The following FUCA2 variants were observed in gnomAD, a reference collection of about 807,000 sequenced individuals.
FUCA2 encodes the protein plasma alpha-L-fucosidase.
Under a neutral mutation model 52.6 loss-of-function variants are expected in FUCA2, and 41 were observed. The observed-to-expected ratio is 0.78, with a 90% confidence interval of 0.61 to 1.01. FUCA2 has a LOEUF of 1.01. Ranked by LOEUF, FUCA2 falls within the 50% of genes least tolerant of loss-of-function variation. FUCA2 has a pLI of 0.00. For missense variants in FUCA2, 507 were observed against 569.5 expected (o/e 0.89, Z 1.12); for synonymous variants, 211 against 217.3 (o/e 0.97, Z 0.26).
chr6:143,495,609 C>A lies in FUCA2; in HGVS notation c.*98G>T. 1 of 1,238,564 alleles carries A rather than the reference C, an allele frequency of 8.1e-7. No homozygotes were observed. Among genetic ancestry groups the A allele is most frequent in the Non-Finnish European group, 1.1e-6 (1 of 918,266 alleles). The allele number at this position is 1,238,564 out of a possible 1,614,324, so 76.7% of individuals were successfully genotyped here. A position where few individuals can be genotyped will look rare whatever the true frequency, so the allele number is the denominator to read the frequency against. ...TGAACTGCCAAAATAATTTTCTTATCCAGTTTTACATTTGCTTTCTCCATG... is the reference window on the plus strand; with the variant it reads ...TGAACTGCCAAAATAATTTTCTTATACAGTTTTACATTTGCTTTCTCCATG... On this transcript the variant is annotated 3_prime_UTR_variant, in exon 7 of 7. Coordinates refer to ENST00000002165, the MANE Select transcript of FUCA2 (RefSeq NM_032020.5). This position sits in a 1 kb window ranked among gnomAD's most constrained non-coding sequence, Gnocchi z 5.2.
At position 143,511,339 on chromosome 6, in the gene FUCA2, C is replaced by T; in HGVS notation, c.224+72G>A. ...GCAGCACCAGGCGGCGAACCAGGCC[C>T]GCTGGGTGGTGGCTGGAGGCTGCGG... On this transcript the variant is annotated intron_variant, in intron 1 of 6. Transcript: ENST00000002165. This position sits in a 1 kb window ranked among gnomAD's most constrained non-coding sequence, Gnocchi z 6.3. 1.4e-6 allele frequency: 2 copies of T among 1,423,376 alleles called. No individual in the cohort carries two copies. Among genetic ancestry groups the T allele is most frequent in the South Asian group, 1.4e-5 (1 of 72,586 alleles). 88.2% of individuals were successfully genotyped at this position (1,423,376 alleles called of 1,614,324 possible).
chr6:143,510,754 G>C lies in FUCA2; in HGVS notation c.224+657C>G, dbSNP rs1348160746. ...TTAGTCAGAAAAGACATGTGCAACAGTTTAAGAAATTACATGCACATTTTC... is the reference window on the plus strand; with the variant it reads ...TTAGTCAGAAAAGACATGTGCAACACTTTAAGAAATTACATGCACATTTTC... On this transcript the variant is annotated intron_variant, in intron 1 of 6. Transcript: ENST00000002165. The surrounding 1 kb of genome is among the most constrained non-coding windows in gnomAD (Gnocchi z 4.4). Among the ~76,000 whole-genome samples the C allele has an allele frequency of 3.3e-5, 5 of 152,118 alleles. No individual in the cohort carries two copies. The highest frequency in any genetic ancestry group is 1.2e-4 in the African/African-American group (5 of 41,436).
In FUCA2 at chr6:143,501,998, T is replaced by C. The variant is rs776194740; in HGVS notation, c.1088A>G (p.Asn363Ser). Residue 363 changes from asparagine (N) to serine (S), a missense_variant, in exon 5 of 7, where the codon AAT (asparagine) becomes AGT (serine). Transcript: ENST00000002165. The surrounding 1 kb of genome is among the most constrained non-coding windows in gnomAD (Gnocchi z 6.1). ...LRQMGSWLKV[N>S]GEAIYETHTW... ...ATGGGTTTCATAAATAGCTTCTCCA[T>C]TGACTTTTAGCCAGGACCCCATTTG... is the stretch of plus-strand genomic sequence containing the variant. The C allele has an allele frequency of 1.8e-5, 29 of 1,613,964 alleles. No individual in the cohort carries two copies. Among genetic ancestry groups the C allele is most frequent in the Admixed American group, 3.3e-5 (2 of 59,976 alleles).
intron 5 of FUCA2, among the ~76,000 whole-genome samples, chr6:143,498,902 G>A (rs1296744732): frequency 6.6e-6 from 1 of 152,184 alleles, no homozygotes; most frequent in African/African-American, 2.4e-5. Context: ...AGGATAAGAA[G>A]TGGACAGATT....
At position 143,504,763 on chromosome 6, in the gene FUCA2, A is replaced by G. The variant is rs1780577834; in HGVS notation, c.413-511T>C. ...TTGAAGTCTACTGCTTAGTTTTAGG[A>G]TTGTTTATTTTATTATAGTGTGATT... is the stretch of plus-strand genomic sequence containing the variant. On this transcript the variant is annotated intron_variant, in intron 2 of 6. Coordinates refer to ENST00000002165, the MANE Select transcript of FUCA2 (RefSeq NM_032020.5). The surrounding 1 kb of genome is among the most constrained non-coding windows in gnomAD (Gnocchi z 4.4). The G allele has an allele frequency of 1.3e-5, 2 of 152,990 alleles. No individual in the cohort carries two copies. The highest frequency in any genetic ancestry group is 1.3e-4 in the Admixed American group (2 of 15,396). The allele number at this position is 152,990 out of a possible 1,614,324, so 9.5% of individuals were successfully genotyped here. A position where few individuals can be genotyped will look rare whatever the true frequency, so the allele number is the denominator to read the frequency against.
chr6:143,501,271 A>C lies in FUCA2; in HGVS notation c.1154+661T>G, dbSNP rs900339867. On this transcript the variant is annotated intron_variant, in intron 5 of 6. Coordinates refer to ENST00000002165, the MANE Select transcript of FUCA2 (RefSeq NM_032020.5). This position sits in a 1 kb window ranked among gnomAD's most constrained non-coding sequence, Gnocchi z 6.1. ...TTTAAGTCATAAGTCAAGTAGATTG[A>C]AGAACAATTAGTCTAATCTTTCGGT... Among the ~76,000 whole-genome samples, 9 of 152,244 alleles carry C rather than the reference A, an allele frequency of 5.9e-5. No individual in the cohort carries two copies. The highest frequency in any genetic ancestry group is 4.1e-4 in the South Asian group (2 of 4,834).
In FUCA2 at chr6:143,508,557, C is replaced by T. The variant is rs117409880; in HGVS notation, c.225-1133G>A. 5.5e-3 allele frequency among the ~76,000 whole-genome samples: 840 copies of T among 152,346 alleles called. 3 individuals are homozygous for T. The highest frequency in any genetic ancestry group is 0.014 in the Middle Eastern group (4 of 294). On this transcript the variant is annotated intron_variant, in intron 1 of 6. Coordinates refer to ENST00000002165, the MANE Select transcript of FUCA2 (RefSeq NM_032020.5). ...AATTTCCCAGCTTCCACTACAGCTG[C>T]GACAGGGATGTGAGATCCATGCTGG...
rs11155297 is a variant in FUCA2 at position 143,503,967 on chromosome 6, G to T, written c.698C>A (p.Ala233Glu). The T allele has an allele frequency of 0.23, 368,689 of 1,613,548 alleles. 46,723 individuals carry two copies. The highest frequency in any genetic ancestry group is 0.27 in the Middle Eastern group (1,626 of 6,054). Residue 233 changes from alanine to glutamate, a missense_variant, in exon 3 of 7, where the codon GCA (alanine) becomes GAA (glutamate). Physicochemically the swap from Ala to Glu is moderately radical, Grantham distance 107. Transcript: ENST00000002165. The surrounding 1 kb of genome is among the most constrained non-coding windows in gnomAD (Gnocchi z 4.8). Reference sequence around the variant, plus strand: ...TGTGCTGTTCCAGTATTGATCCGGTGCTCCTCCGTCACCATCCGACCACAG... The same window carrying T: ...TGTGCTGTTCCAGTATTGATCCGGTTCTCCTCCGTCACCATCCGACCACAG... Reference protein sequence around the residue: ...EVLWSDGDGGAPDQYWNSTGF... With the variant: ...EVLWSDGDGGEPDQYWNSTGF...
In FUCA2 at chr6:143,500,841, T is replaced by C. The variant is rs1351231962; in HGVS notation, c.1154+1091A>G. On this transcript the variant is annotated intron_variant, in intron 5 of 6. Coordinates refer to ENST00000002165, the MANE Select transcript of FUCA2 (RefSeq NM_032020.5). This position sits in a 1 kb window ranked among gnomAD's most constrained non-coding sequence, Gnocchi z 6.9. ...TTTTAAGGGTTGACCTGGGAGTCTGTAGGTGACTGCAAGAAGGTGGGCATG... is the reference window on the plus strand; with the variant it reads ...TTTTAAGGGTTGACCTGGGAGTCTGCAGGTGACTGCAAGAAGGTGGGCATG... Among the ~76,000 whole-genome samples, 1 of 152,080 alleles carries C rather than the reference T, an allele frequency of 6.6e-6. No individual in the cohort carries two copies. Among genetic ancestry groups the C allele is most frequent in the African/African-American group, 2.4e-5 (1 of 41,420 alleles).
rs1314532581 is a variant in FUCA2, at chr6:143,511,532, C to T, written c.103G>A (p.Asp35Asn). The change falls in exon 1 of 7, where the codon GAC becomes AAC. Residue 35 changes from aspartate to asparagine, a missense_variant. Coordinates refer to ENST00000002165, the MANE Select transcript of FUCA2 (RefSeq NM_032020.5). This position sits in a 1 kb window ranked among gnomAD's most constrained non-coding sequence, Gnocchi z 6.3. Reference protein sequence around the residue: ...PCPAHSATRFDPTWESLDARQ... With the variant: ...PCPAHSATRFNPTWESLDARQ... ...GCGTCCAGGGACTCCCAGGTGGGGT[C>T]GAAGCGCGTGGCGCTGTGGGCAGGG... 3.2e-6 allele frequency: 5 copies of T among 1,586,704 alleles called. No homozygotes were observed. In the East Asian group the frequency reaches 9.3e-5, roughly 29 times the overall value.
Position 143,504,055 on chromosome 6 carries a change from A to G in FUCA2, c.610T>C (p.Phe204Leu). The change falls in exon 3 of 7, where the codon TTT becomes CTT. Residue 204 changes from phenylalanine (F) to leucine (L), a missense_variant. Transcript: ENST00000002165. This position sits in a 1 kb window ranked among gnomAD's most constrained non-coding sequence, Gnocchi z 4.4. ...TCTGGCAATGTCTTAGAAACTGGAA[A>G]TTGCCGCTTATGGAATGAACTGGAT... ...DESSSFHKRQ[F>L]PVSKTLPELY... is the part of the protein sequence containing the mutation. The G allele has an allele frequency of 6.2e-7, 1 of 1,614,176 alleles. No individual in the cohort carries two copies. The highest frequency in any genetic ancestry group is 8.5e-7 in the Non-Finnish European group (1 of 1,180,026).
chr6:143,505,862 A>T (rs1407516549), intron 2 of FUCA2: 2 of 152,218 alleles, frequency 1.3e-5, no homozygotes, highest in African/African-American at 4.8e-5. Flanking sequence ...ACATCTGACA[A>T]CATGGGTCCC....
chr6:143,509,932 C>T lies in FUCA2; in HGVS notation c.224+1479G>A, dbSNP rs1240849401. Among the ~76,000 whole-genome samples, 1 of 152,046 alleles carries T rather than the reference C, an allele frequency of 6.6e-6. No individual in the cohort carries two copies. Among genetic ancestry groups the T allele is most frequent in the East Asian group, 1.9e-4 (1 of 5,198 alleles). ...GCACATTTTTAAAGGTAAAGAAACT[C>T]GAAAAATAGCAGGTGCATGAAGAGC... On this transcript the variant is annotated intron_variant, in intron 1 of 6. Coordinates refer to ENST00000002165, the MANE Select transcript of FUCA2 (RefSeq NM_032020.5). The surrounding 1 kb of genome is among the most constrained non-coding windows in gnomAD (Gnocchi z 5.4).
rs375733879 is a variant in FUCA2, at chr6:143,497,106, C to T, written c.1263+283G>A. ...TCCTGAGTAACTAGGACTACAGGTG[C>T]GTGCCACCATGCTCAGCTAACTTTA... is the stretch of plus-strand genomic sequence containing the variant. On this transcript the variant is annotated intron_variant, in intron 6 of 6. Transcript: ENST00000002165. This position sits in a 1 kb window ranked among gnomAD's most constrained non-coding sequence, Gnocchi z 5.3. 8.0e-5 allele frequency: 25 copies of T among 312,050 alleles called. 2 individuals carry two copies. The highest frequency in any genetic ancestry group is 7.4e-5 in the East Asian group (1 of 13,428). 19.3% of individuals were successfully genotyped at this position (312,050 alleles called of 1,614,324 possible). A position where few individuals can be genotyped will look rare whatever the true frequency, so the allele number is the denominator to read the frequency against.
rs1289648857 is a variant in FUCA2, at chr6:143,507,810, C to G, written c.225-386G>C. On this transcript the variant is annotated intron_variant, in intron 1 of 6. Transcript: ENST00000002165. This position sits in a 1 kb window ranked among gnomAD's most constrained non-coding sequence, Gnocchi z 4.5. The stretch of plus-strand genomic sequence containing the variant: ...TTAGCCTCCTGAGTAGCTAGGACCA[C>G]AGGCACGTGCCACCACACCTGGCTA... 6.6e-6 allele frequency among the ~76,000 whole-genome samples: 1 copy of G among 152,128 alleles called. No individual in the cohort carries two copies. Among genetic ancestry groups the G allele is most frequent in the East Asian group, 1.9e-4 (1 of 5,172 alleles).
At chr6:143,498,619 G>C (rs761638380) in intron 5 of FUCA2, among the ~76,000 whole-genome samples, 1 of 152,138 alleles carries the variant, frequency 6.6e-6, no homozygotes, top group Admixed American at 6.5e-5. Flanking sequence ...GAGAGGAAGT[G>C]GGGGAGGGTG....
Position 143,504,417 on chromosome 6 carries a change from T to C in FUCA2, c.413-165A>G. ...TTTTTTCATAGCATATATTGTGCTT[T>C]TATATGAGAAGTGAGAATTTAAACA... On this transcript the variant is annotated intron_variant, in intron 2 of 6. Coordinates refer to ENST00000002165, the MANE Select transcript of FUCA2 (RefSeq NM_032020.5). The surrounding 1 kb of genome is among the most constrained non-coding windows in gnomAD (Gnocchi z 4.4). 1.6e-6 allele frequency: 1 copy of C among 634,644 alleles called. No individual in the cohort carries two copies. Among genetic ancestry groups the C allele is most frequent in the Non-Finnish European group, 2.7e-6 (1 of 374,100 alleles). The allele number at this position is 634,644 out of a possible 1,614,324, so 39.3% of individuals were successfully genotyped here.
Position 143,495,486 on chromosome 6 carries a change from A to G in FUCA2, c.*221T>C. On this transcript the variant is annotated 3_prime_UTR_variant, in exon 7 of 7. Coordinates refer to ENST00000002165, the MANE Select transcript of FUCA2 (RefSeq NM_032020.5). The surrounding 1 kb of genome is among the most constrained non-coding windows in gnomAD (Gnocchi z 5.2). ...ACCTCTGAGTCACACATGGAAACAA[A>G]TCAATGTGAAGAGACTTTAATGGCA... The G allele has an allele frequency of 2.2e-6, 1 of 446,274 alleles. No homozygotes were observed. The highest frequency in any genetic ancestry group is 3.2e-5 in the East Asian group (1 of 31,236). The allele number at this position is 446,274 out of a possible 1,614,324, so 27.6% of individuals were successfully genotyped here.
Position 143,495,311 on chromosome 6 carries a change from A to C in FUCA2, c.*396T>G, listed in dbSNP as rs1780441922. On this transcript the variant is annotated 3_prime_UTR_variant, in exon 7 of 7. Coordinates refer to ENST00000002165, the MANE Select transcript of FUCA2 (RefSeq NM_032020.5). This position sits in a 1 kb window ranked among gnomAD's most constrained non-coding sequence, Gnocchi z 5.2. ...CACTCTATGATGTTGGCACAAAAAAAAATTGACTAGCAATGCATTTCCCAG... is the reference window on the plus strand; with the variant it reads ...CACTCTATGATGTTGGCACAAAAAACAATTGACTAGCAATGCATTTCCCAG... The C allele has an allele frequency of 1.2e-5, 2 of 170,674 alleles. No individual in the cohort carries two copies. Among genetic ancestry groups the C allele is most frequent in the Admixed American group, 1.1e-4 (2 of 17,718 alleles). The allele number at this position is 170,674 out of a possible 1,614,324, so 10.6% of individuals were successfully genotyped here. A position where few individuals can be genotyped will look rare whatever the true frequency, so the allele number is the denominator to read the frequency against.
Sources: gnomAD v4.1 joint callset for allele counts (sites outside exome capture counted in the v4.1 genomes callset) on GRCh38, gnomAD v4.1.1 for gene constraint, Gnocchi (gnomAD v3.1) non-coding constraint, MANE v1.5 for transcripts, NCBI Gene and HGNC (gene_info 2026-07-23, HGNC 2026-07-21) for gene names.